Variants in DNAH9 observed in about 807,000 individuals in gnomAD.
DNAH9 encodes the protein DNAH9 variant protein.
Under a neutral mutation model 471.6 loss-of-function variants are expected in DNAH9, and 345 were observed. The observed-to-expected ratio is 0.73, with a 90% confidence interval of 0.67 to 0.80. The LOEUF is 0.80. Among genes scored for constraint, DNAH9 ranks in the 30% least tolerant of loss-of-function variants. The pLI is 0.00. For missense variants in DNAH9, 5,407 were observed against 5,609.2 expected (o/e 0.96, Z 1.15); for synonymous variants, 2,093 against 2,123.6 (o/e 0.99, Z 0.40).
intron 15 of DNAH9, among the ~76,000 whole-genome samples, chr17:11,666,338 A>C (rs2073867293): frequency 6.6e-6 from 1 of 152,106 alleles, no homozygotes; most frequent in Admixed American, 6.5e-5. Context: ...ATCCTTGACC[A>C]ATGGCTCTCT....
intron 61 of DNAH9, among the ~76,000 whole-genome samples, chr17:11,915,260 T>C (rs1370470169): frequency 6.6e-6 from 1 of 152,026 alleles, no homozygotes; most frequent in Non-Finnish European, 1.5e-5. Flanking sequence ...GTGCAGTGGC[T>C]CACGCCTGTA....
intron 1 of DNAH9, among the ~76,000 whole-genome samples, chr17:11,606,930 A>G (rs1224452365): frequency 2.0e-5 from 3 of 152,190 alleles, no homozygotes. Context: ...CTCTTCCTTG[A>G]AAAGTCACAT....
intron 17 of DNAH9, among the ~76,000 whole-genome samples, chr17:11,678,105 G>A (rs551170512): frequency 1.3e-5 from 2 of 152,046 alleles, no homozygotes; most frequent in African/African-American, 4.8e-5. Flanking sequence ...GCCCAGGCTG[G>A]AGTGCAGTGG....
In DNAH9 at chr17:11,669,668, A is replaced by G. The variant is rs1567706379; in HGVS notation, c.3227A>G (p.Glu1076Gly). The G allele has an allele frequency of 1.9e-6, 3 of 1,614,198 alleles. No homozygotes were observed. The highest frequency in any genetic ancestry group is 1.1e-5 in the South Asian group (1 of 91,082). ...CTCTATGAAGAGGTGTGCAGGCTGG[A>G]ACCCATCAAGGTGTTTGACGGCTGG... ...ETLYEEVCRL[E>G]PIKVFDGWMK... The change falls in exon 17 of 69, where the codon GAA becomes GGA. Residue 1076 changes from glutamate (E) to glycine (G), a missense_variant. Around this residue, in one of 3 missense-constraint regions of DNAH9, gnomAD observed 4,636 missense variants for 4,900.3 expected, o/e 0.95. Transcript: ENST00000262442.
chr17:11,756,680 C>A lies in DNAH9; in HGVS notation c.6847+4C>A. On this transcript the variant is annotated splice_donor_region_variant and intron_variant, in intron 34 of 68. Transcript: ENST00000262442. ...CCAGCAACTGTCTCTAGAGCAGGTA[C>A]GGCCCAAGAAGGGAAGAACCACAAA... The A allele has an allele frequency of 6.3e-7, 1 of 1,583,214 alleles. No individual in the cohort carries two copies. The highest frequency in any genetic ancestry group is 8.7e-7 in the Non-Finnish European group (1 of 1,151,922).
intron 67 of DNAH9, among the ~76,000 whole-genome samples, chr17:11,953,582 C>T (rs149234417): frequency 0.033 from 5,004 of 151,946 alleles, 299 homozygotes; most frequent in African/African-American, 0.11. Flanking sequence ...GAGGCTGAGG[C>T]GGGCGGATCA....
At position 11,644,656 on chromosome 17, in the gene DNAH9, C is replaced by T. The variant is rs759177757; in HGVS notation, c.1927C>T (p.Arg643Ter). Residue 643 changes from arginine to a stop codon, truncating the protein, a stop_gained, in exon 11 of 69, where the codon CGA becomes TGA. Transcript: ENST00000262442. LOFTEE classifies it high-confidence loss of function. ...HPCMESAEGK[R>*]MQQKYEDMLS... ...TTGCATGGAATCTGCAGAAGGAAAG[C>T]GAATGCAACAAAAATATGAAGATAT... is the stretch of plus-strand genomic sequence containing the variant. 1.2e-6 allele frequency: 2 copies of T among 1,612,056 alleles called. No individual in the cohort carries two copies. Among genetic ancestry groups the T allele is most frequent in the African/African-American group, 2.7e-5 (2 of 74,834 alleles).
At chr17:11,859,782 T>C (rs1346989797) in intron 50 of DNAH9, among the ~76,000 whole-genome samples, 1 of 152,112 alleles carries the variant, frequency 6.6e-6, no homozygotes, top group Non-Finnish European at 1.5e-5. Context: ...TCCCCTGAAC[T>C]AACTGATCAA....
At chr17:11,619,107 C>A (rs2072803360) in intron 5 of DNAH9, among the ~76,000 whole-genome samples, 1 of 152,236 alleles carries the variant, frequency 6.6e-6, no homozygotes, top group Non-Finnish European at 1.5e-5. Context: ...AGGGACCCAC[C>A]CTGTTGTGGT....
chr17:11,807,976 A>AGACAGGGGAACTGGAGAAC, intron 44 of DNAH9, 82 bp downstream of exon 44: 1 of 1,458,052 alleles, frequency 6.9e-7, no homozygotes, highest in Non-Finnish European at 9.3e-7. Flanking sequence ...CTCGTTCTCC[A>AGACAGGGGAACTGGAGAAC]GTTCCCCTGT....
In DNAH9 at chr17:11,937,909, G is replaced by A. The variant is rs1974767296; in HGVS notation, c.12660+387G>A. 6.6e-6 allele frequency among the ~76,000 whole-genome samples: 1 copy of A among 152,190 alleles called. No homozygotes were observed. Among genetic ancestry groups the A allele is most frequent in the African/African-American group, 2.4e-5 (1 of 41,448 alleles). ...CAAGGATGGGTAAGGGGTTGCCCCT[G>A]AGCACCCCCACCTCAGTTCACCAAC... On this transcript the variant is annotated intron_variant, in intron 66 of 68. Transcript: ENST00000262442. This position sits in a 1 kb window ranked among gnomAD's most constrained non-coding sequence, Gnocchi z 4.1.
At chr17:11,765,074 T>A (rs1967875023) in intron 36 of DNAH9, among the ~76,000 whole-genome samples, 1 of 152,310 alleles carries the variant, frequency 6.6e-6, no homozygotes, top group African/African-American at 2.4e-5. Flanking sequence ...CTCTCTACCT[T>A]ACTCTCCCCA....
intron 45 of DNAH9, among the ~76,000 whole-genome samples, chr17:11,816,140 C>T (rs1000851589): frequency 6.6e-6 from 1 of 152,064 alleles, no homozygotes; most frequent in Non-Finnish European, 1.5e-5. Flanking sequence ...CTACAGCACT[C>T]GATAGCTGCA....
chr17:11,868,146 C>A (rs1394785493), intron 50 of DNAH9, among the ~76,000 whole-genome samples: 1 of 152,214 alleles, frequency 6.6e-6, no homozygotes, highest in Non-Finnish European at 1.5e-5. Flanking sequence ...GTGTAATGGG[C>A]TTATGACTAT....
In DNAH9 at chr17:11,937,522, GGT is replaced by G. The variant is rs974397495; in HGVS notation, c.12660+8_12660+9del. The G allele has an allele frequency of 1.8e-5, 29 of 1,610,064 alleles. No individual in the cohort carries two copies. The highest frequency in any genetic ancestry group is 2.5e-5 in the Non-Finnish European group (29 of 1,177,684). On this transcript the variant is annotated splice_donor_variant, in intron 66 of 68. Coordinates refer to ENST00000262442, the MANE Select transcript of DNAH9 (RefSeq NM_001372.4). LOFTEE classifies it high-confidence loss of function. The surrounding 1 kb of genome is among the most constrained non-coding windows in gnomAD (Gnocchi z 4.1). ...GAGCGGGCGCCACAAGAGAAGAAAA[GGT>G]GTGTGTGGTGGGGACTGCCTGAGGT... is the stretch of plus-strand genomic sequence containing the variant.
chr17:11,729,850 G>T (rs1254689922), intron 28 of DNAH9, among the ~76,000 whole-genome samples: 1 of 152,188 alleles, frequency 6.6e-6, no homozygotes, highest in Non-Finnish European at 1.5e-5. Flanking sequence ...GGCTGTGGGT[G>T]GGGCACTGAA....
rs200776116 is a variant in DNAH9 at position 11,744,998 on chromosome 17, C to T, written c.6313C>T (p.Arg2105Trp). Residue 2105 changes from arginine to tryptophan, a missense_variant, in exon 31 of 69, where the codon CGG becomes TGG. Around this residue, in one of 3 missense-constraint regions of DNAH9, gnomAD observed 4,636 missense variants for 4,900.3 expected, o/e 0.95. Transcript: ENST00000262442. ...CCTCTTTCCCGCCCTGGATGTCCCC[C>T]GGAGGAGAGACCCCAACTTCGAAGC... ...GDLFPALDVP[R>W]RRDPNFEALV... is the part of the protein sequence containing the mutation. 124 of 1,613,894 alleles carry T rather than the reference C, an allele frequency of 7.7e-5. No individual in the cohort carries two copies. Among genetic ancestry groups the T allele is most frequent in the Admixed American group, 1.3e-4 (8 of 59,996 alleles).
chr17:11,965,096 T>C (rs1398685831), intron 68 of DNAH9, among the ~76,000 whole-genome samples: 2 of 152,184 alleles, frequency 1.3e-5, no homozygotes, highest in Non-Finnish European at 2.9e-5. Context: ...GAGATGGCCA[T>C]AGGGGGCTTT....
intron 27 of DNAH9, 53 bp downstream of exon 27, chr17:11,719,543 G>A (rs1226998312): frequency 4.5e-6 from 7 of 1,547,496 alleles, no homozygotes; most frequent in African/African-American, 1.4e-5. Context: ...GGAACTCAGG[G>A]CACCAAATCA....
Sources: gnomAD v4.1 joint callset for allele counts (sites outside exome capture counted in the v4.1 genomes callset) on GRCh38, gnomAD v4.1.1 for gene constraint, gnomAD v4.1.1 regional missense constraint, Gnocchi (gnomAD v3.1) non-coding constraint, MANE v1.5 for transcripts, NCBI Gene and HGNC (gene_info 2026-07-23, HGNC 2026-07-21) for gene names.